The following CDYL variants were observed in gnomAD, a reference collection of about 807,000 sequenced individuals.
CDYL encodes the protein chromodomain Y-like protein.
Under a neutral mutation model 47.3 loss-of-function variants are expected in CDYL, and 8 were observed. That is an observed-to-expected ratio of 0.17 (90% CI 0.10 to 0.31). The LOEUF (loss-of-function observed/expected upper bound fraction) is 0.31, where lower values mean the gene tolerates loss of function less well. Ranked by LOEUF, CDYL falls within the 10% of genes least tolerant of loss-of-function variation. The pLI is 1.00. For missense variants in CDYL, 471 were observed against 701.4 expected (o/e 0.67, Z 3.71); for synonymous variants, 266 against 265.0 (o/e 1.00, Z -0.04).
chr6:4,866,957 T>C (rs1168617311), intron 1 of CDYL, among the ~76,000 whole-genome samples: 1 of 152,056 alleles, frequency 6.6e-6, no homozygotes, highest in East Asian at 1.9e-4. Flanking sequence ...CTAGTTTGGT[T>C]TTATTTTCAA....
intron 1 of CDYL, among the ~76,000 whole-genome samples, chr6:4,831,534 T>C (rs1760143988): frequency 6.6e-6 from 1 of 152,200 alleles, no homozygotes; most frequent in African/African-American, 2.4e-5. Context: ...CTTTGTTCTT[T>C]TGGCTTAGGA....
chr6:4,841,600 T>A (rs1256381137), intron 1 of CDYL, among the ~76,000 whole-genome samples: 2 of 152,164 alleles, frequency 1.3e-5, no homozygotes, highest in Non-Finnish European at 2.9e-5. Flanking sequence ...GTCACTATTA[T>A]CGTTCAGTTC....
intron 2 of CDYL, among the ~76,000 whole-genome samples, chr6:4,893,561 C>T (rs375034512): frequency 6.2e-4 from 94 of 152,268 alleles, no homozygotes; most frequent in African/African-American, 2.1e-3. Context: ...GGCGCGGTGG[C>T]GCGCACCTGT....
At chr6:4,876,327 CAT>C (rs1318881384) in intron 1 of CDYL, among the ~76,000 whole-genome samples, 5 of 152,192 alleles carry the variant, frequency 3.3e-5, no homozygotes, top group African/African-American at 9.6e-5. Flanking sequence ...TTTCTGCTGA[CAT>C]GTGTTTTCAT....
chr6:4,820,066 C>G (rs776724921), intron 1 of CDYL, among the ~76,000 whole-genome samples: 5 of 152,092 alleles, frequency 3.3e-5, no homozygotes, highest in Non-Finnish European at 7.4e-5. Flanking sequence ...CAGGCTGATT[C>G]CTAATCCATC....
At chr6:4,816,396 G>A (rs1323751083) in intron 1 of CDYL, among the ~76,000 whole-genome samples, 1 of 151,666 alleles carries the variant, frequency 6.6e-6, no homozygotes, top group Non-Finnish European at 1.5e-5. Flanking sequence ...CTACTACTAC[G>A]AAGATTTATT....
At chr6:4,820,427 C>G (rs1284238738) in intron 1 of CDYL, among the ~76,000 whole-genome samples, 2 of 152,130 alleles carry the variant, frequency 1.3e-5, no homozygotes, top group Non-Finnish European at 2.9e-5. Flanking sequence ...CTGAACCCAG[C>G]TTGTACCACG....
intron 1 of CDYL, among the ~76,000 whole-genome samples, chr6:4,867,778 T>C (rs904498065): frequency 6.6e-6 from 1 of 151,456 alleles, no homozygotes; most frequent in Non-Finnish European, 1.5e-5. Context: ...TGGGGTTTTT[T>C]TTTTTTTTTT....
chr6:4,822,127 C>T (rs60632423), intron 1 of CDYL, among the ~76,000 whole-genome samples: 2 of 151,780 alleles, frequency 1.3e-5, no homozygotes, highest in Non-Finnish European at 2.9e-5. Context: ...CACCACAGTG[C>T]CTGGCAAATT....
chr6:4,709,756 T>C (rs545431065), intron 1 of CDYL, among the ~76,000 whole-genome samples: 9 of 152,196 alleles, frequency 5.9e-5, no homozygotes, highest in African/African-American at 1.9e-4. Flanking sequence ...ACCTATTACA[T>C]ATAAACTCCT....
intron 2 of CDYL, among the ~76,000 whole-genome samples, chr6:4,729,652 T>C (rs1288263319): frequency 6.6e-6 from 1 of 152,228 alleles, no homozygotes; most frequent in African/African-American, 2.4e-5. Flanking sequence ...GCATGGTGGC[T>C]CATGTCTGTA....
chr6:4,894,397 T>C (rs1009380054), intron 2 of CDYL, among the ~76,000 whole-genome samples: 3 of 152,188 alleles, frequency 2.0e-5, no homozygotes, highest in African/African-American at 7.2e-5. Context: ...GGCCCTGCCC[T>C]GCTCCTGGTT....
At chr6:4,891,683 T>G (rs756025610) in intron 1 of CDYL, 30 bp from the exon 2 acceptor site, 1 of 1,546,126 alleles carries the variant, frequency 6.5e-7, no homozygotes, top group Non-Finnish European at 8.7e-7. Context: ...TTTGATTTTT[T>G]TAAAACTATT....
intron 1 of CDYL, among the ~76,000 whole-genome samples, chr6:4,863,428 C>T (rs1019569095): frequency 2.0e-5 from 3 of 152,208 alleles, no homozygotes; most frequent in Non-Finnish European, 2.9e-5. Context: ...TAGAAAAAAT[C>T]GAGTCACATA....
intron 2 of CDYL, among the ~76,000 whole-genome samples, chr6:4,928,186 T>C (rs745724371): frequency 6.6e-6 from 1 of 152,218 alleles, no homozygotes; most frequent in Non-Finnish European, 1.5e-5. Flanking sequence ...AGAATTCAAA[T>C]TGGGAAAGAG....
At chr6:4,890,450 G>A (rs1231973774) in intron 1 of CDYL, among the ~76,000 whole-genome samples, 2 of 152,254 alleles carry the variant, frequency 1.3e-5, no homozygotes, top group Admixed American at 1.3e-4. Flanking sequence ...ATGAGCTAAG[G>A]TCTTGCTGTT....
chr6:4,839,655 G>A (rs1196908570), intron 1 of CDYL, among the ~76,000 whole-genome samples: 2 of 152,154 alleles, frequency 1.3e-5, no homozygotes, highest in Admixed American at 1.3e-4. Flanking sequence ...AATTATCCCA[G>A]CACCATTTGT....
chr6:4,885,219 G>T (rs982095137), intron 1 of CDYL, among the ~76,000 whole-genome samples: 5 of 152,106 alleles, frequency 3.3e-5, no homozygotes, highest in Non-Finnish European at 7.4e-5. Flanking sequence ...GCCTCAAACT[G>T]CTAGGTTCTA....
chr6:4,868,886 A>G (rs1043582176), intron 1 of CDYL, among the ~76,000 whole-genome samples: 2 of 152,168 alleles, frequency 1.3e-5, no homozygotes, highest in Admixed American at 6.5e-5. Context: ...CTCTTTTACC[A>G]TTATGAAATG....
Sources: gnomAD v4.1 joint callset for allele counts (sites outside exome capture counted in the v4.1 genomes callset) on GRCh38, gnomAD v4.1.1 for gene constraint, MANE v1.5 for transcripts, NCBI Gene and HGNC (gene_info 2026-07-23, HGNC 2026-07-21) for gene names.